The following RAB3GAP1 variants were observed in gnomAD, a reference collection of about 807,000 sequenced individuals.
RAB3GAP1 encodes the protein RAB3 GTPase activating protein catalytic subunit 1.
A neutral mutation model predicts 130.7 loss-of-function variants in RAB3GAP1; 86 were observed. The ratio of observed to expected loss-of-function variants is 0.66; its 90% CI spans 0.55 to 0.79. RAB3GAP1 has a LOEUF of 0.79. Among genes scored for constraint, RAB3GAP1 ranks in the 30% least tolerant of loss-of-function variants. The probability of loss-of-function intolerance (pLI) is 0.00; values close to 1 mark genes in which losing one functional copy is unlikely to be tolerated. For missense variants in RAB3GAP1, 1,029 were observed against 1,169.4 expected (o/e 0.88, Z 1.75); for synonymous variants, 367 against 401.7 (o/e 0.91, Z 1.03).
At chr2:135,145,235 A>G (rs928158671) in intron 17 of RAB3GAP1, among the ~76,000 whole-genome samples, 19 of 152,150 alleles carry the variant, frequency 1.2e-4, no homozygotes, top group Admixed American at 1.2e-3. Context: ...TGAGTTAGGA[A>G]CATTTCAAAT....
rs1691515702 is a variant in RAB3GAP1, at chr2:135,130,821, A to G, written c.1236+100A>G. ...GGTAGGCAGTGACCTTGGAATATAC[A>G]ATGAGTAAAACAGTTACCACATTTA... On this transcript the variant is annotated intron_variant, in intron 13 of 23. Transcript: ENST00000264158. The G allele has an allele frequency of 5.4e-6, 6 of 1,110,236 alleles. No homozygotes were observed. The Admixed American group carries it at 1.2e-4, about 22-fold the overall frequency. The allele number at this position is 1,110,236 out of a possible 1,614,324, so 68.8% of individuals were successfully genotyped here.
At chr2:135,120,080 T>G (rs960412590) in intron 7 of RAB3GAP1, among the ~76,000 whole-genome samples, 2 of 152,236 alleles carry the variant, frequency 1.3e-5, no homozygotes, top group Admixed American at 6.5e-5. Context: ...TTGAGTTTAT[T>G]TTCATTTAAA....
chr2:135,175,859 G>T (rs529965928), intron 24 of RAB3GAP1, among the ~76,000 whole-genome samples: 3 of 152,314 alleles, frequency 2.0e-5, no homozygotes, highest in South Asian at 4.1e-4. Context: ...TTTGGCAAAA[G>T]ATATGCAAGG....
intron 3 of RAB3GAP1, among the ~76,000 whole-genome samples, chr2:135,087,734 T>C (rs1183794490): frequency 6.6e-6 from 1 of 152,234 alleles, no homozygotes; most frequent in Admixed American, 6.5e-5. Context: ...TTCATAACTT[T>C]GTAAACTCAT....
chr2:135,080,075 C>T (rs1477314514), intron 3 of RAB3GAP1, among the ~76,000 whole-genome samples: 2 of 147,370 alleles, frequency 1.4e-5, no homozygotes, highest in Non-Finnish European at 3.0e-5. Flanking sequence ...GGAGATCGCA[C>T]CACAGCACTC....
Position 135,169,014 on chromosome 2 carries a change from G to T in RAB3GAP1, c.*233G>T. 2 of 413,134 alleles carry T rather than the reference G, an allele frequency of 4.8e-6. No homozygotes were observed. Among genetic ancestry groups the T allele is most frequent in the South Asian group, 2.6e-5 (1 of 39,200 alleles). 25.6% of individuals were successfully genotyped at this position (413,134 alleles called of 1,614,324 possible). A position where few individuals can be genotyped will look rare whatever the true frequency, so the allele number is the denominator to read the frequency against. ...TTGAGAGATTTCTGCCCTAGAGATG[G>T]CCTTTGTATATGGGGGGGTGGTGGG... On this transcript the variant is annotated 3_prime_UTR_variant, in exon 24 of 24. Coordinates refer to ENST00000264158, the MANE Select transcript of RAB3GAP1 (RefSeq NM_012233.3).
At position 135,135,933 on chromosome 2, in the gene RAB3GAP1, G is replaced by A; in HGVS notation, c.1923+1G>A. The A allele has an allele frequency of 6.2e-7, 1 of 1,613,514 alleles. No individual in the cohort carries two copies. Among genetic ancestry groups the A allele is most frequent in the Non-Finnish European group, 8.5e-7 (1 of 1,179,412 alleles). On this transcript the variant is annotated splice_donor_variant, in intron 17 of 23. Coordinates refer to ENST00000264158, the MANE Select transcript of RAB3GAP1 (RefSeq NM_012233.3). LOFTEE classifies it high-confidence loss of function. ...ACCTCTCTACATTCCAGTAACCCAG[G>A]TAGGATGCACTAGTTCTTTCCATTT...
At chr2:135,158,590 G>T (rs1325769146) in intron 19 of RAB3GAP1, among the ~76,000 whole-genome samples, 1 of 152,212 alleles carries the variant, frequency 6.6e-6, no homozygotes. Context: ...AGTGGTAAAT[G>T]TAGAGGATAT....
At chr2:135,086,814 A>G (rs1414358068) in intron 3 of RAB3GAP1, among the ~76,000 whole-genome samples, 1 of 151,680 alleles carries the variant, frequency 6.6e-6, no homozygotes, top group South Asian at 2.1e-4. Flanking sequence ...AGCTGGGACT[A>G]CAGGTGCACA....
intron 3 of RAB3GAP1, among the ~76,000 whole-genome samples, chr2:135,087,518 A>G (rs1671289661): frequency 6.6e-6 from 1 of 152,172 alleles, no homozygotes; most frequent in African/African-American, 2.4e-5. Flanking sequence ...CAATCCATGT[A>G]TGTGATGTAT....
Position 135,110,063 on chromosome 2 carries a change from A to G in RAB3GAP1, c.363-3088A>G, listed in dbSNP as rs542818777. 9.1e-4 allele frequency among the ~76,000 whole-genome samples: 139 copies of G among 152,188 alleles called. 1 individual carries two copies. Among genetic ancestry groups the G allele is most frequent in the African/African-American group, 3.0e-3 (124 of 41,520 alleles). On this transcript the variant is annotated intron_variant, in intron 5 of 23. Transcript: ENST00000264158. The stretch of plus-strand genomic sequence containing the variant: ...ATTCAAGTAGACCTATTGGGGAAAA[A>G]GTAGTGACTTATATTGACATTTTAA...
intron 17 of RAB3GAP1, among the ~76,000 whole-genome samples, chr2:135,138,134 A>G (rs1691729705): frequency 6.6e-6 from 1 of 151,842 alleles, no homozygotes; most frequent in Non-Finnish European, 1.5e-5. Context: ...GCCTGAAAAC[A>G]TTCTATTGTG....
chr2:135,060,201 G>GT (rs916290385), intron 3 of RAB3GAP1, among the ~76,000 whole-genome samples: 122 of 141,242 alleles, frequency 8.6e-4, no homozygotes, highest in African/African-American at 1.5e-3. Flanking sequence ...TTTTTTAATA[G>GT]TTTTTTTTTG....
At chr2:135,078,691 TG>T (rs1558765037) in intron 3 of RAB3GAP1, among the ~76,000 whole-genome samples, 10 of 30,816 alleles carry the variant, frequency 3.2e-4, no homozygotes, top group African/African-American at 1.8e-3. Context: ...TCCCCTCCCC[TG>T]CCCTCCCCTC....
chr2:135,150,129 C>A (rs1272901884), intron 17 of RAB3GAP1, among the ~76,000 whole-genome samples: 1 of 152,084 alleles, frequency 6.6e-6, no homozygotes, highest in Non-Finnish European at 1.5e-5. Flanking sequence ...TACTATCAAT[C>A]CTTGTCAAGG....
At chr2:135,093,463 C>G (rs999716357) in intron 4 of RAB3GAP1, 152 bp from the exon 5 acceptor site, 7 of 631,314 alleles carry the variant, frequency 1.1e-5, no homozygotes, top group African/African-American at 3.7e-5. Context: ...AGAAATCCCT[C>G]TCCCTGTACT....
chr2:135,132,393 A>G (rs943930569), intron 13 of RAB3GAP1, among the ~76,000 whole-genome samples: 1 of 152,236 alleles, frequency 6.6e-6, no homozygotes, highest in Non-Finnish European at 1.5e-5. Context: ...TTATAGGTTT[A>G]GACTGCTTCC....
Position 135,117,765 on chromosome 2 carries a change from GCTGCTT to G in RAB3GAP1, c.648+2387_648+2392del, listed in dbSNP as rs1691065696. Among the ~76,000 whole-genome samples, 5 of 30,392 alleles carry G rather than the reference GCTGCTT, an allele frequency of 1.6e-4. No homozygotes were observed. The South Asian group carries it at 3.3e-3, about 20-fold the overall frequency. 19.9% of individuals were successfully genotyped at this position (30,392 alleles called of 152,430 possible). On this transcript the variant is annotated intron_variant, in intron 7 of 23. Coordinates refer to ENST00000264158, the MANE Select transcript of RAB3GAP1 (RefSeq NM_012233.3). ...TTCTTCTTCTGCTTCTGCTTCTTCT[GCTGCTT>G]CTTCTGCTTCTTCTGCTTCTTCTTC...
downstream of RAB3GAP1, among the ~76,000 whole-genome samples, chr2:135,174,266 G>A (rs1422233986): frequency 3.9e-5 from 2 of 51,576 alleles, no homozygotes; most frequent in East Asian, 1.2e-3. Flanking sequence ...AGAGGGTGGC[G>A]ACATGGCCCA....
Sources: allele counts gnomAD v4.1 joint callset (sites outside exome capture counted in the v4.1 genomes callset), GRCh38; gene constraint gnomAD v4.1.1; transcripts MANE v1.5; gene names NCBI Gene and HGNC (gene_info 2026-07-23, HGNC 2026-07-21).